Variants in PDE4D observed in about 807,000 individuals in gnomAD.
PDE4D encodes phosphodiesterase 4D.
A neutral mutation model predicts 87.4 loss-of-function variants in PDE4D; 24 were observed. The ratio of observed to expected loss-of-function variants is 0.27; its 90% CI spans 0.20 to 0.39. The LOEUF (loss-of-function observed/expected upper bound fraction) is 0.39, where lower values mean the gene tolerates loss of function less well. PDE4D is among the 10% of genes least tolerant of loss of function. PDE4D has a pLI of 1.00. For synonymous variants in PDE4D, 384 were observed against 383.2 expected (o/e 1.00, Z -0.02); for missense variants, 714 against 1,041.0 (o/e 0.69, Z 4.32).
At chr5:59,894,890 T>C (rs1352269760), upstream of PDE4D, among the ~76,000 whole-genome samples, 1 of 152,236 alleles carries the variant, frequency 6.6e-6, no homozygotes, top group Non-Finnish European at 1.5e-5. Context: ...ATATAGACAC[T>C]TTTTTCCCTG....
chr5:59,855,149 A>G (rs1295259821), intron 1 of PDE4D, among the ~76,000 whole-genome samples: 1 of 152,104 alleles, frequency 6.6e-6, no homozygotes, highest in Non-Finnish European at 1.5e-5. Flanking sequence ...GCTGATGCAA[A>G]TGGTCTGTGG....
intron 1 of PDE4D, among the ~76,000 whole-genome samples, chr5:60,485,727 C>G (rs1749084964): frequency 6.6e-6 from 1 of 151,874 alleles, no homozygotes; most frequent in Admixed American, 6.6e-5. Flanking sequence ...TTTGCTTTCC[C>G]CACCATGCCT....
chr5:60,519,679 C>T (rs1750950136), intron 1 of PDE4D, among the ~76,000 whole-genome samples: 1 of 152,172 alleles, frequency 6.6e-6, no homozygotes, highest in Non-Finnish European at 1.5e-5. Flanking sequence ...GTGGGATTTT[C>T]CTTTGGTAAC....
chr5:59,064,456 C>G (rs1763593075), intron 5 of PDE4D, among the ~76,000 whole-genome samples: 2 of 152,068 alleles, frequency 1.3e-5, no homozygotes, highest in Admixed American at 6.6e-5. Context: ...CCTAAAAAAG[C>G]ACGCAGCCCT....
intron 1 of PDE4D, among the ~76,000 whole-genome samples, chr5:59,495,211 C>T (rs946292332): frequency 3.9e-5 from 6 of 152,210 alleles, no homozygotes; most frequent in Non-Finnish European, 8.8e-5. Context: ...ATGGCACACT[C>T]TTCCAAAATG....
At chr5:59,156,306 C>A (rs1780163091) in intron 5 of PDE4D, among the ~76,000 whole-genome samples, 3 of 36,964 alleles carry the variant, frequency 8.1e-5, no homozygotes, top group African/African-American at 1.4e-4. Flanking sequence ...TAGAGACTTG[C>A]CAGAAAAAAA....
intron 1 of PDE4D, among the ~76,000 whole-genome samples, chr5:59,666,849 G>A (rs1746154578): frequency 2.6e-5 from 4 of 152,160 alleles, no homozygotes; most frequent in Admixed American, 2.6e-4. Context: ...AGATGCTGTC[G>A]GCCAGCCTTG....
intron 1 of PDE4D, among the ~76,000 whole-genome samples, chr5:59,803,557 C>T (rs965119174): frequency 7.2e-5 from 11 of 152,188 alleles, no homozygotes; most frequent in South Asian, 2.1e-4. Context: ...CCTTGGCCTC[C>T]GAAAGTGCTG....
intron 1 of PDE4D, among the ~76,000 whole-genome samples, chr5:60,452,584 A>G (rs1746178533): frequency 6.6e-6 from 1 of 152,136 alleles, no homozygotes; most frequent in South Asian, 2.1e-4. Context: ...TTGGTACAAA[A>G]GATATGTTTG....
rs573586203 is a variant in PDE4D at position 59,185,328 on chromosome 5, TTTG to T, written c.685-69_685-67del. ...CCATTTTAAATACACTTGAAAATGG[TTTG>T]TTAAGAGAAAACTTGATATTGCTTG... On this transcript the variant is annotated intron_variant, in intron 3 of 14. Coordinates refer to ENST00000340635, the MANE Select transcript of PDE4D (RefSeq NM_001104631.2). 139 of 1,204,528 alleles carry T rather than the reference TTTG, an allele frequency of 1.2e-4. No individual in the cohort carries two copies. In the African/African-American group the frequency reaches 2.0e-3, roughly 17 times the overall value. The allele number at this position is 1,204,528 out of a possible 1,614,324, so 74.6% of individuals were successfully genotyped here.
chr5:59,705,402 A>G (rs1401817466), intron 1 of PDE4D, among the ~76,000 whole-genome samples: 4 of 152,098 alleles, frequency 2.6e-5, no homozygotes, highest in Non-Finnish European at 4.4e-5. Context: ...AGATAAATTT[A>G]AAAGTAAGAA....
intron 1 of PDE4D, among the ~76,000 whole-genome samples, chr5:59,574,158 A>T (rs1421946987): frequency 8.7e-6 from 1 of 114,924 alleles, no homozygotes; most frequent in Non-Finnish European, 1.7e-5. Flanking sequence ...ATATATTTAT[A>T]TATATATATA....
chr5:59,964,296 T>C (rs1438552298), intron 3 of PDE4D, among the ~76,000 whole-genome samples: 1 of 152,186 alleles, frequency 6.6e-6, no homozygotes, highest in Non-Finnish European at 1.5e-5. Flanking sequence ...AATTAACCAA[T>C]ATATTTATAG....
chr5:59,356,243 A>C (rs1781349371), intron 1 of PDE4D, among the ~76,000 whole-genome samples: 1 of 152,242 alleles, frequency 6.6e-6, no homozygotes, highest in Non-Finnish European at 1.5e-5. Context: ...CAAGATTTTT[A>C]ATATGACTTC....
At chr5:59,652,785 A>T (rs1297019585) in intron 1 of PDE4D, among the ~76,000 whole-genome samples, 1 of 152,018 alleles carries the variant, frequency 6.6e-6, no homozygotes, top group African/African-American at 2.4e-5. Flanking sequence ...TTCAACACTC[A>T]ATTCAGATCT....
At chr5:59,456,479 C>T (rs1799951393) in intron 1 of PDE4D, among the ~76,000 whole-genome samples, 1 of 152,140 alleles carries the variant, frequency 6.6e-6, no homozygotes, top group South Asian at 2.1e-4. Flanking sequence ...TTTTTCTTCC[C>T]AGTCTCGGGT....
At position 59,568,573 on chromosome 5, in the gene PDE4D, G is replaced by T. The variant is rs138968627; in HGVS notation, c.455+324595C>A. ...AATCCACCTCGATCAGGTGATCAAG[G>T]TTAACATCTTTAGTCATGTTGACAG... On this transcript the variant is annotated intron_variant, in intron 1 of 14. Coordinates refer to ENST00000340635, the MANE Select transcript of PDE4D (RefSeq NM_001104631.2). 4.1e-3 allele frequency among the ~76,000 whole-genome samples: 607 copies of T among 147,300 alleles called. 2 individuals carry two copies. The highest frequency in any genetic ancestry group is 0.014 in the African/African-American group (571 of 39,830).
chr5:60,327,128 A>T (rs1197831669), intron 1 of PDE4D, among the ~76,000 whole-genome samples: 1 of 151,634 alleles, frequency 6.6e-6, no homozygotes, highest in Non-Finnish European at 1.5e-5. Context: ...AATGAAATTG[A>T]CATAAGATAG....
chr5:58,975,959 A>G lies in PDE4D; in HGVS notation c.1831-120T>C. The G allele has an allele frequency of 1.4e-6, 1 of 738,278 alleles. No homozygotes were observed. The highest frequency in any genetic ancestry group is 1.8e-5 in the African/African-American group (1 of 55,644). 45.7% of individuals were successfully genotyped at this position (738,278 alleles called of 1,614,324 possible). A position where few individuals can be genotyped will look rare whatever the true frequency, so the allele number is the denominator to read the frequency against. On this transcript the variant is annotated intron_variant, in intron 13 of 14. Transcript: ENST00000340635. The surrounding 1 kb of genome is among the most constrained non-coding windows in gnomAD (Gnocchi z 4.2). ...CACTTAAAAATACACGTAGTGTAAG[A>G]TTTATTCCAAACAGCTCAACCATGA...
Sources: allele counts gnomAD v4.1 joint callset (sites outside exome capture counted in the v4.1 genomes callset), GRCh38; gene constraint gnomAD v4.1.1; non-coding constraint Gnocchi (gnomAD v3.1); transcripts MANE v1.5; gene names NCBI Gene and HGNC (gene_info 2026-07-23, HGNC 2026-07-21).